The following NRK variants were observed in gnomAD, a reference collection of about 807,000 sequenced individuals.
The protein encoded by NRK is nik-related protein kinase.
In NRK, 67 loss-of-function variants were observed where a neutral mutation model predicts 125.2. That is an observed-to-expected ratio of 0.54 (90% CI 0.44 to 0.66). The LOEUF is 0.66. Ranked by LOEUF, NRK falls within the 30% of genes least tolerant of loss-of-function variation. The pLI is 0.00. For synonymous variants in NRK, 458 were observed against 429.0 expected, an observed-to-expected ratio of 1.07 and a Z score of -0.84; for missense variants, 1,224 against 1,192.9, an observed-to-expected ratio of 1.03 and a Z score of -0.38.
At chrX:105,921,522 G>A (rs1350597140) in intron 16 of NRK, among the ~76,000 whole-genome samples, 2 of 109,644 alleles carry the variant, frequency 1.8e-5, no homozygotes, top group Non-Finnish European at 3.8e-5. Context: ...TCCTCTTGAG[G>A]GTTTTGGCTA....
intron 22 of NRK, 151 bp from the exon 23 acceptor site, chrX:105,939,723 A>T (rs2040712118): frequency 2.5e-6 from 1 of 400,409 alleles, no homozygotes; most frequent in Non-Finnish European, 4.3e-6. Context: ...CAAATCCTGA[A>T]TGGGAGATTC....
At chrX:105,874,771 G>A (rs1021400363) in intron 2 of NRK, among the ~76,000 whole-genome samples, 4 of 111,379 alleles carry the variant, frequency 3.6e-5, no homozygotes, top group African/African-American at 6.5e-5. Context: ...CAACAGCACC[G>A]TAATAAACTA....
chrX:105,866,878 ATTAT>A lies in NRK; in HGVS notation c.124-13317_124-13314del, dbSNP rs1399221108. The stretch of plus-strand genomic sequence containing the variant: ...ATATAATAGACAAAATTGTAAAAAG[ATTAT>A]TTAATCTATTTAGGACAACATTTTT... On this transcript the variant is annotated intron_variant, in intron 2 of 28. Coordinates refer to ENST00000243300, the MANE Select transcript of NRK (RefSeq NM_198465.4). Among the ~76,000 whole-genome samples the A allele has an allele frequency of 2.7e-5, 3 of 111,492 alleles. No individual in the cohort carries two copies. In the East Asian group the frequency reaches 8.5e-4, roughly 31 times the overall value.
At chrX:105,828,115 C>T (rs2039139416) in intron 1 of NRK, among the ~76,000 whole-genome samples, 1 of 112,070 alleles carries the variant, frequency 8.9e-6, no homozygotes. Flanking sequence ...TAGTCCTTCT[C>T]CTCTTTTCCC....
At chrX:105,920,343 G>T (rs1432803482) in intron 16 of NRK, among the ~76,000 whole-genome samples, 2 of 105,889 alleles carry the variant, frequency 1.9e-5, no homozygotes, top group Non-Finnish European at 3.8e-5. Context: ...CTCCAGCTTT[G>T]TTCTTTTGGC....
chrX:105,907,195 A>T (rs2040232191), intron 11 of NRK: 1 of 111,345 alleles, frequency 9.0e-6, no homozygotes, highest in Non-Finnish European at 1.9e-5. Flanking sequence ...GTGAGCCAAG[A>T]TCATGCCACT....
intron 7 of NRK, among the ~76,000 whole-genome samples, chrX:105,897,755 G>C (rs474383): frequency 2.7e-5 from 3 of 111,825 alleles, no homozygotes; most frequent in Non-Finnish European, 5.6e-5. Flanking sequence ...TGTTGTTGTC[G>C]TTCTTGTTAG....
At chrX:105,904,020 T>C (rs2040190616) in intron 9 of NRK, among the ~76,000 whole-genome samples, 2 of 112,352 alleles carry the variant, frequency 1.8e-5, no homozygotes, top group Non-Finnish European at 3.8e-5. Flanking sequence ...CTTTAAACAA[T>C]TGCCTTTGTA....
intron 22 of NRK, among the ~76,000 whole-genome samples, chrX:105,937,972 A>G (rs937040054): frequency 6.3e-5 from 7 of 111,771 alleles, no homozygotes; most frequent in African/African-American, 2.3e-4. Context: ...CAGATACAAA[A>G]GAGAGTTGTC....
intron 5 of NRK, among the ~76,000 whole-genome samples, chrX:105,890,524 G>A (rs2040003641): frequency 8.9e-6 from 1 of 112,101 alleles, no homozygotes; most frequent in Admixed American, 9.5e-5. Flanking sequence ...AATTTATAAA[G>A]GAAATTTATA....
intron 15 of NRK, 101 bp from the exon 16 acceptor site, chrX:105,917,477 C>T (rs1265741659): frequency 7.4e-6 from 3 of 406,262 alleles, no homozygotes; most frequent in East Asian, 4.1e-5. Context: ...TGATATGTAC[C>T]CATATATTTA....
At chrX:105,838,999 ATTAG>A (rs1425260745) in intron 2 of NRK, among the ~76,000 whole-genome samples, 1 of 111,182 alleles carries the variant, frequency 9.0e-6, no homozygotes, top group African/African-American at 3.3e-5. Context: ...ATTTATGTTT[ATTAG>A]TTATATTTTC....
chrX:105,897,062 G>T (rs1419090607), intron 7 of NRK, among the ~76,000 whole-genome samples: 1 of 112,113 alleles, frequency 8.9e-6, no homozygotes, highest in African/African-American at 3.2e-5. Context: ...TGAAATATCT[G>T]TCACAATGTC....
intron 19 of NRK, among the ~76,000 whole-genome samples, chrX:105,925,357 G>C (rs1461691226): frequency 9.0e-6 from 1 of 111,365 alleles, no homozygotes; most frequent in Non-Finnish European, 1.9e-5. Context: ...ATGGGGTACA[G>C]AGTGATATTT....
intron 2 of NRK, among the ~76,000 whole-genome samples, chrX:105,867,012 G>C (rs1470297608): frequency 1.8e-5 from 2 of 110,575 alleles, no homozygotes; most frequent in Non-Finnish European, 3.8e-5. Flanking sequence ...TTGCAGTAGA[G>C]GATAGTGAAA....
At chrX:105,878,832 C>T (rs373809268) in intron 2 of NRK, among the ~76,000 whole-genome samples, 1 of 111,694 alleles carries the variant, frequency 9.0e-6, no homozygotes, top group South Asian at 3.8e-4. Context: ...TTACCTTGCT[C>T]AGTTTCCGTC....
intron 4 of NRK, 109 bp from the exon 5 acceptor site, chrX:105,888,185 A>G: frequency 1.8e-6 from 1 of 557,716 alleles, no homozygotes; most frequent in Non-Finnish European, 2.7e-6. Flanking sequence ...TTGCTGTTGG[A>G]TATAATTAGT....
At chrX:105,926,157 T>C (rs57734423) in intron 19 of NRK, among the ~76,000 whole-genome samples, 2 of 111,718 alleles carry the variant, frequency 1.8e-5, no homozygotes, top group Non-Finnish European at 3.8e-5. Flanking sequence ...GATGAGATAA[T>C]ATCTCATTGT....
At chrX:105,895,744 A>G (rs2040074377) in intron 7 of NRK, among the ~76,000 whole-genome samples, 3 of 111,818 alleles carry the variant, frequency 2.7e-5, no homozygotes, top group Admixed American at 9.6e-5. Flanking sequence ...AATCATGTAG[A>G]TAAAACAACT....
Sources: allele counts gnomAD v4.1 joint callset (sites outside exome capture counted in the v4.1 genomes callset), GRCh38; gene constraint gnomAD v4.1.1; transcripts MANE v1.5; gene names NCBI Gene and HGNC (gene_info 2026-07-23, HGNC 2026-07-21).